Variants in FILIP1L observed in about 807,000 individuals in gnomAD.
FILIP1L encodes filamin A interacting protein 1 like.
Under a neutral mutation model 96.6 loss-of-function variants are expected in FILIP1L, and 55 were observed. The ratio of observed to expected loss-of-function variants is 0.57; its 90% CI spans 0.46 to 0.71. FILIP1L has a LOEUF of 0.71. FILIP1L is among the 30% of genes least tolerant of loss of function. The pLI is 0.00. For missense variants in FILIP1L, 1,304 were observed against 1,321.2 expected (o/e 0.99, Z 0.20); for synonymous variants, 467 against 473.9 (o/e 0.99, Z 0.19).
intron 1 of FILIP1L, among the ~76,000 whole-genome samples, chr3:100,053,918 C>A (rs2065418018): frequency 6.6e-6 from 1 of 152,204 alleles, no homozygotes; most frequent in Admixed American, 6.5e-5. Flanking sequence ...AAGTAAATTG[C>A]ATCCAAGTGT....
intron 1 of FILIP1L, among the ~76,000 whole-genome samples, chr3:100,048,528 G>A (rs1053994402): frequency 1.1e-4 from 16 of 152,186 alleles, no homozygotes; most frequent in Non-Finnish European, 1.8e-4. Context: ...ATCTGTGGGT[G>A]CAAAGTTATT....
At chr3:100,033,449 A>G (rs1010175462) in intron 1 of FILIP1L, among the ~76,000 whole-genome samples, 2 of 152,282 alleles carry the variant, frequency 1.3e-5, no homozygotes, top group African/African-American at 4.8e-5. Context: ...GCTTTGTGTT[A>G]TCTTCTTGAA....
At chr3:99,995,654 C>T (rs1261435496) in intron 1 of FILIP1L, among the ~76,000 whole-genome samples, 2 of 152,214 alleles carry the variant, frequency 1.3e-5, no homozygotes, top group South Asian at 2.1e-4. Context: ...GGCATCCAGG[C>T]GTTTCCATAC....
chr3:99,842,014 A>G (rs577515107), intron 5 of FILIP1L, among the ~76,000 whole-genome samples: 1 of 152,208 alleles, frequency 6.6e-6, no homozygotes, highest in Non-Finnish European at 1.5e-5. Flanking sequence ...TCATTATATG[A>G]AAAAGATACT....
At chr3:100,026,683 A>G (rs2064928035) in intron 1 of FILIP1L, among the ~76,000 whole-genome samples, 1 of 152,084 alleles carries the variant, frequency 6.6e-6, no homozygotes, top group Admixed American at 6.6e-5. Context: ...TGTTGGCTCT[A>G]TCCTCAAAAT....
At chr3:100,038,704 T>A (rs958779472) in intron 1 of FILIP1L, among the ~76,000 whole-genome samples, 7 of 152,156 alleles carry the variant, frequency 4.6e-5, no homozygotes, top group Non-Finnish European at 8.8e-5. Flanking sequence ...TCAGTCCATG[T>A]CCTACATAGT....
chr3:99,933,204 A>G (rs1707542603), intron 1 of FILIP1L, among the ~76,000 whole-genome samples: 1 of 152,214 alleles, frequency 6.6e-6, no homozygotes. Context: ...GCCTAAGACA[A>G]ATGCATATAT....
chr3:99,998,086 C>A (rs1026293528), intron 1 of FILIP1L, among the ~76,000 whole-genome samples: 6 of 152,168 alleles, frequency 3.9e-5, no homozygotes, highest in African/African-American at 7.2e-5. Flanking sequence ...TGAGTTAAAA[C>A]CAGTTAACTG....
chr3:99,993,772 A>G (rs1709593571), intron 1 of FILIP1L, among the ~76,000 whole-genome samples: 1 of 152,194 alleles, frequency 6.6e-6, no homozygotes, highest in Non-Finnish European at 1.5e-5. Context: ...GTGACATATC[A>G]TGTTTATTGA....
chr3:99,953,381 A>G (rs557898724), intron 1 of FILIP1L, among the ~76,000 whole-genome samples: 1 of 152,308 alleles, frequency 6.6e-6, no homozygotes, highest in South Asian at 2.1e-4. Flanking sequence ...CAGATAACCA[A>G]TGAAATTCTA....
intron 1 of FILIP1L, among the ~76,000 whole-genome samples, chr3:100,026,027 C>T (rs945618816): frequency 3.3e-5 from 5 of 152,072 alleles, no homozygotes; most frequent in Admixed American, 6.6e-5. Context: ...AGACTATGAC[C>T]TGAGTCTTGG....
intron 4 of FILIP1L, among the ~76,000 whole-genome samples, chr3:99,878,516 T>C (rs1705614948): frequency 6.6e-6 from 1 of 152,248 alleles, no homozygotes; most frequent in African/African-American, 2.4e-5. Context: ...CTTCTCCTAA[T>C]AGTTTGTTCA....
intron 1 of FILIP1L, among the ~76,000 whole-genome samples, chr3:100,061,530 AAAG>A (rs781130611): frequency 1.4e-4 from 22 of 152,226 alleles, no homozygotes; most frequent in Non-Finnish European, 2.8e-4. Context: ...CAGAGAATGA[AAAG>A]AAGAAGAGAA....
At chr3:99,869,042 C>G (rs977541861) in intron 4 of FILIP1L, among the ~76,000 whole-genome samples, 1 of 152,126 alleles carries the variant, frequency 6.6e-6, no homozygotes, top group Non-Finnish European at 1.5e-5. Flanking sequence ...GAACCACTTC[C>G]TAGGGGAGTA....
chr3:100,102,083 G>C (rs1195628658), intron 1 of FILIP1L, among the ~76,000 whole-genome samples: 1 of 152,118 alleles, frequency 6.6e-6, no homozygotes, highest in Non-Finnish European at 1.5e-5. Context: ...ATAAACATAC[G>C]TGTGCATGTG....
intron 1 of FILIP1L, among the ~76,000 whole-genome samples, chr3:99,992,220 T>A (rs1266454574): frequency 1.3e-5 from 2 of 152,020 alleles, no homozygotes; most frequent in Non-Finnish European, 2.9e-5. Context: ...GGTAGTTCTA[T>A]TTTTAGCTAT....
chr3:99,836,195 C>G (rs370803305), intron 5 of FILIP1L, among the ~76,000 whole-genome samples: 1 of 152,058 alleles, frequency 6.6e-6, no homozygotes, highest in Admixed American at 6.6e-5. Flanking sequence ...TACCATCTGT[C>G]CTAAATTCTG....
chr3:99,932,558 A>C (rs1249085210), intron 1 of FILIP1L, among the ~76,000 whole-genome samples: 1 of 152,120 alleles, frequency 6.6e-6, no homozygotes, highest in African/African-American at 2.4e-5. Flanking sequence ...TTAGGTGATA[A>C]GAATTCTGTC....
chr3:99,984,241 G>A (rs1218636245), intron 1 of FILIP1L, among the ~76,000 whole-genome samples: 1 of 152,152 alleles, frequency 6.6e-6, no homozygotes, highest in Admixed American at 6.5e-5. Flanking sequence ...AATTTTACTA[G>A]TAGCCATTCA....
Sources: gnomAD v4.1 joint callset for allele counts (sites outside exome capture counted in the v4.1 genomes callset) on GRCh38, gnomAD v4.1.1 for gene constraint, MANE v1.5 for transcripts, NCBI Gene and HGNC (gene_info 2026-07-23, HGNC 2026-07-21) for gene names.